Variants in STRA8 observed in about 807,000 individuals in gnomAD.
The protein encoded by STRA8 is stimulated by retinoic acid 8, also known as stimulated by retinoic acid gene 8 protein homolog.
In STRA8, 18 loss-of-function variants were observed where a neutral mutation model predicts 37.1. The ratio of observed to expected loss-of-function variants is 0.48; its 90% CI spans 0.34 to 0.72. The LOEUF (loss-of-function observed/expected upper bound fraction) is 0.72, where lower values mean the gene tolerates loss of function less well. Among genes scored for constraint, STRA8 ranks in the 30% least tolerant of loss-of-function variants. The pLI, the probability that STRA8 is intolerant of heterozygous loss-of-function variation, is 0.01. For missense variants in STRA8, 357 were observed against 410.4 expected (o/e 0.87, Z 1.13); for synonymous variants, 168 against 162.9 (o/e 1.03, Z -0.24).
chr7:135,256,361 G>A (rs534848100), intron 8 of STRA8, among the ~76,000 whole-genome samples: 1 of 152,112 alleles, frequency 6.6e-6, no homozygotes, highest in African/African-American at 2.4e-5. Flanking sequence ...ACAGTCCCCT[G>A]GACCAGTTGT....
intron 6 of STRA8, among the ~76,000 whole-genome samples, chr7:135,248,653 G>C (rs754309690): frequency 6.6e-6 from 1 of 152,220 alleles, no homozygotes; most frequent in Non-Finnish European, 1.5e-5. Flanking sequence ...CAAGGCTGCA[G>C]TGAGCTATGA....
At position 135,240,516 on chromosome 7, in the gene STRA8, C is replaced by T; in HGVS notation, c.-6-3C>T. On this transcript the variant is annotated splice_polypyrimidine_tract_variant and splice_region_variant and intron_variant, in intron 1 of 8. Transcript: ENST00000662584. ...AAAAAAAAAGCATACTATTACATTA[C>T]AGCTTATAATGGCAACCCCTGAAGA... 1.2e-6 allele frequency: 2 copies of T among 1,611,518 alleles called. No individual in the cohort carries two copies. The highest frequency in any genetic ancestry group is 2.2e-5 in the South Asian group (2 of 90,514).
In STRA8 at chr7:135,246,448, C is replaced by A; in HGVS notation, c.625C>A (p.Leu209Ile). The A allele has an allele frequency of 6.2e-7, 1 of 1,602,564 alleles. No individual in the cohort carries two copies. The highest frequency in any genetic ancestry group is 8.5e-7 in the Non-Finnish European group (1 of 1,174,118). ...CAACTTTTACAAACAGACGATGGAC[C>A]TTCTGACTGGCAGCGGGATCATTAC... Reference protein sequence around the residue: ...YLNFYKQTMDLLTGSGIITPQ... With the variant: ...YLNFYKQTMDILTGSGIITPQ... The change falls in exon 6 of 9, where the codon CTT becomes ATT. Residue 209 changes from leucine to isoleucine, a missense_variant. Physicochemically the swap from Leu to Ile is conservative, Grantham distance 5. Transcript: ENST00000662584. The surrounding 1 kb of genome is among the most constrained non-coding windows in gnomAD (Gnocchi z 5.4).
At chr7:135,239,350 A>C (rs1310488382) in intron 1 of STRA8, among the ~76,000 whole-genome samples, 1 of 152,186 alleles carries the variant, frequency 6.6e-6, no homozygotes, top group South Asian at 2.1e-4. Flanking sequence ...GGGCCTGGGC[A>C]TGTGTATTTT....
At position 135,258,576 on chromosome 7, in the gene STRA8, C is replaced by T. The variant is rs58802664; in HGVS notation, c.*84C>T. ...ATGCTGGCAGCTAAGGTTGCACCTG[C>T]CTTGGCCTCCAGGACTCTTTGGAGT... On this transcript the variant is annotated 3_prime_UTR_variant, in exon 9 of 9. Transcript: ENST00000662584. 0.31 allele frequency: 366,612 copies of T among 1,164,528 alleles called. 60,608 individuals are homozygous for T. The highest frequency in any genetic ancestry group is 0.42 in the Middle Eastern group (2,099 of 4,940). The allele number at this position is 1,164,528 out of a possible 1,614,324, so 72.1% of individuals were successfully genotyped here.
intron 6 of STRA8, among the ~76,000 whole-genome samples, chr7:135,248,351 A>G (rs1334422977): frequency 1.3e-5 from 2 of 151,696 alleles, no homozygotes; most frequent in South Asian, 4.2e-4. Flanking sequence ...TTGATGGTCA[A>G]CCCTCCATTA....
At chr7:135,232,351 C>A (rs1832305692), upstream of STRA8, among the ~76,000 whole-genome samples, 1 of 151,608 alleles carries the variant, frequency 6.6e-6, no homozygotes, top group Admixed American at 6.6e-5. Flanking sequence ...GGGGTGGTGA[C>A]AATTTCCTTA....
At position 135,253,285 on chromosome 7, in the gene STRA8, A is replaced by G. The variant is rs937335224; in HGVS notation, c.953+1416A>G. On this transcript the variant is annotated intron_variant, in intron 7 of 8. Coordinates refer to ENST00000662584, the MANE Select transcript of STRA8 (RefSeq NM_001394401.1). Reference sequence around the variant, plus strand: ...ATCCCATCATGAGGGGCCCATCTTCATGCCCTAGTCTATGATCTCCCGGAG... The same window carrying G: ...ATCCCATCATGAGGGGCCCATCTTCGTGCCCTAGTCTATGATCTCCCGGAG... Among the ~76,000 whole-genome samples the G allele has an allele frequency of 2.6e-5, 4 of 152,190 alleles. No homozygotes were observed. In the East Asian group the frequency reaches 7.7e-4, roughly 29 times the overall value.
chr7:135,251,966 A>T (rs1585479223), intron 7 of STRA8, 97 bp downstream of exon 7: 2 of 1,060,492 alleles, frequency 1.9e-6, no homozygotes, highest in Non-Finnish European at 2.8e-6. Flanking sequence ...ATGTGCATGA[A>T]TGTGGTAAGT....
chr7:135,237,710 G>A lies in STRA8; in HGVS notation c.-6-2809G>A, dbSNP rs1473837298. ...AGTTCGAGACCAGCCTGACCAACAC[G>A]GTGAAACCCCGTCTCTACTAAAAAT... On this transcript the variant is annotated intron_variant, in intron 1 of 8. Coordinates refer to ENST00000662584, the MANE Select transcript of STRA8 (RefSeq NM_001394401.1). Among the ~76,000 whole-genome samples, 9 of 152,120 alleles carry A rather than the reference G, an allele frequency of 5.9e-5. No individual in the cohort carries two copies. The East Asian group carries it at 1.4e-3, about 23-fold the overall frequency.
rs538476724 is a variant in STRA8 at position 135,245,497 on chromosome 7, C to A, written c.563C>A (p.Thr188Asn). Residue 188 changes from threonine to asparagine, a missense_variant, in exon 5 of 9, where the codon ACT (threonine) becomes AAT (asparagine). Physicochemically the swap from Thr to Asn is moderately conservative, Grantham distance 65. Coordinates refer to ENST00000662584, the MANE Select transcript of STRA8 (RefSeq NM_001394401.1). ...EKKVILYSPG[T>N]LSPDLMEFER... is the part of the protein sequence containing the mutation. ...AAAGTGATCTTATACTCCCCAGGAA[C>A]TTTGTCGCCTGACCTCATGGAATTT... Among the ~76,000 whole-genome samples, 1 of 152,210 alleles carries A rather than the reference C, an allele frequency of 6.6e-6. No individual in the cohort carries two copies. The highest frequency in any genetic ancestry group is 2.1e-4 in the South Asian group (1 of 4,824).
intron 1 of STRA8, among the ~76,000 whole-genome samples, chr7:135,240,223 G>A (rs1415155354): frequency 6.6e-6 from 1 of 152,144 alleles, no homozygotes; most frequent in Non-Finnish European, 1.5e-5. Flanking sequence ...TATATGGGTG[G>A]TTTGCAGTTT....
Position 135,240,626 on chromosome 7 carries a change from G to T in STRA8, c.102G>T (p.Leu34=). The T allele has an allele frequency of 6.2e-7, 1 of 1,614,112 alleles. No individual in the cohort carries two copies. The highest frequency in any genetic ancestry group is 8.5e-7 in the Non-Finnish European group (1 of 1,180,030). Reference sequence around the variant, plus strand: ...AGCATCGGGTGGCCCGGAGACGGCTGTCCCAGGCCCGCCACCGAGCCACCC... The same window carrying T: ...AGCATCGGGTGGCCCGGAGACGGCTTTCCCAGGCCCGCCACCGAGCCACCC... The part of the protein sequence containing the change: ...ELEHRVARRR[L]SQARHRATLA... The change falls in exon 2 of 9, where the codon CTG becomes CTT. Residue 34 remains leucine, a synonymous_variant. Transcript: ENST00000662584.
intron 6 of STRA8, among the ~76,000 whole-genome samples, chr7:135,248,537 G>A (rs949146146): frequency 2.6e-4 from 40 of 151,938 alleles, no homozygotes; most frequent in Non-Finnish European, 2.6e-4. Context: ...GTGAGACTGC[G>A]TCTCTACTAA....
At chr7:135,258,383 T>C (rs1346991072) in intron 8 of STRA8, 35 bp from the exon 9 acceptor site, 2 of 1,563,678 alleles carry the variant, frequency 1.3e-6, no homozygotes, top group Non-Finnish European at 1.7e-6. Context: ...GACCCACAGA[T>C]AAAAAGTGAC....
chr7:135,236,168 G>A (rs956580929), intron 1 of STRA8, among the ~76,000 whole-genome samples: 3 of 151,802 alleles, frequency 2.0e-5, no homozygotes, highest in Admixed American at 1.3e-4. Context: ...TGTTTGTAAT[G>A]CCAACACTTT....
rs1832550765 is a variant in STRA8, at chr7:135,246,232, C to A, written c.594-185C>A. ...CCCCAAAGCCCAAGTCTATGTCCTT[C>A]ATGGCCCCCAGGAAGGCTGCTGCTC... On this transcript the variant is annotated intron_variant, in intron 5 of 8. Coordinates refer to ENST00000662584, the MANE Select transcript of STRA8 (RefSeq NM_001394401.1). The surrounding 1 kb of genome is among the most constrained non-coding windows in gnomAD (Gnocchi z 5.4). 1 of 775,988 alleles carries A rather than the reference C, an allele frequency of 1.3e-6. No homozygotes were observed. Among genetic ancestry groups the A allele is most frequent in the South Asian group, 1.8e-5 (1 of 54,866 alleles). The allele number at this position is 775,988 out of a possible 1,614,324, so 48.1% of individuals were successfully genotyped here. A position where few individuals can be genotyped will look rare whatever the true frequency, so the allele number is the denominator to read the frequency against.
chr7:135,252,588 G>A (rs1006634822), intron 7 of STRA8, among the ~76,000 whole-genome samples: 1 of 152,184 alleles, frequency 6.6e-6, no homozygotes. Flanking sequence ...CATCTTCAGA[G>A]TAGAAAATTC....
chr7:135,241,963 G>A lies in STRA8; in HGVS notation c.193-818G>A, dbSNP rs116940903. 1.6e-3 allele frequency among the ~76,000 whole-genome samples: 236 copies of A among 151,752 alleles called. 3 individuals are homozygous for A. The East Asian group carries it at 0.029, about 19-fold the overall frequency. On this transcript the variant is annotated intron_variant, in intron 2 of 8. Coordinates refer to ENST00000662584, the MANE Select transcript of STRA8 (RefSeq NM_001394401.1). Reference sequence around the variant, plus strand: ...GAATAATCTTGCTGTTACCATTTTAGCATTGCTCGTTTTTGAATAATCTTG... The same window carrying A: ...GAATAATCTTGCTGTTACCATTTTAACATTGCTCGTTTTTGAATAATCTTG...
Sources: allele counts gnomAD v4.1 joint callset (sites outside exome capture counted in the v4.1 genomes callset), GRCh38; gene constraint gnomAD v4.1.1; non-coding constraint Gnocchi (gnomAD v3.1); transcripts MANE v1.5; gene names NCBI Gene and HGNC (gene_info 2026-07-23, HGNC 2026-07-21).